Variants in ZNF469 observed in about 807,000 individuals in gnomAD.
The protein encoded by ZNF469 is zinc finger protein 469.
ZNF469 carries 1 observed loss-of-function variant against 1.0 expected under a neutral mutation model. That is an observed-to-expected ratio of 1.00 (90% CI 0.35 to 4.73). ZNF469 has a LOEUF of 4.73. Ranked by LOEUF, ZNF469 falls within the 30% of genes most tolerant of loss-of-function variation. The pLI is 0.16. For missense variants in ZNF469, 6,100 were observed against 5,356.3 expected (o/e 1.14, Z -4.33); for synonymous variants, 2,703 against 2,363.4 (o/e 1.14, Z -4.17).
At chr16:88,204,283 C>T in the ZNF469 span, among the ~76,000 whole-genome samples, 18 of 152,312 alleles carry the variant, frequency 1.2e-4, no homozygotes, top group African/African-American at 4.3e-4. Flanking sequence ...GCCGGAGGTG[C>T]CCCGTAACCT....
the ZNF469 span, among the ~76,000 whole-genome samples, chr16:88,130,302 GCAGA>G: frequency 1.3e-5 from 2 of 151,972 alleles, no homozygotes; most frequent in Non-Finnish European, 2.9e-5. Flanking sequence ...ACCGCACGCC[GCAGA>G]CAGCCGGTAT....
the ZNF469 span, among the ~76,000 whole-genome samples, chr16:88,277,608 C>G: frequency 0.014 from 1,836 of 134,572 alleles, 77 homozygotes; most frequent in African/African-American, 0.055. Flanking sequence ...GCTGATGCTC[C>G]GTCAGTACTG....
intron 1 of ZNF469, among the ~76,000 whole-genome samples, chr16:88,412,968 T>C (rs1381132696): frequency 6.6e-6 from 1 of 152,034 alleles, no homozygotes; most frequent in Non-Finnish European, 1.5e-5. Context: ...TATCCAACTG[T>C]GGGCATGGGA....
chr16:88,374,774 GC>G, the ZNF469 span, among the ~76,000 whole-genome samples: 1 of 150,972 alleles, frequency 6.6e-6, no homozygotes, highest in Admixed American at 6.6e-5. Context: ...GGCGCCGTAT[GC>G]CAAGTGGGCT....
At chr16:88,413,342 C>T (rs1472619688) in intron 1 of ZNF469, among the ~76,000 whole-genome samples, 2 of 152,180 alleles carry the variant, frequency 1.3e-5, no homozygotes, top group Non-Finnish European at 2.9e-5. Context: ...TCCCTTCACC[C>T]TCAAAACACC....
the ZNF469 span, among the ~76,000 whole-genome samples, chr16:88,227,883 G>A: frequency 6.6e-6 from 1 of 152,166 alleles, no homozygotes; most frequent in Non-Finnish European, 1.5e-5. Context: ...ACCCCGCCAG[G>A]CTCCGCCTCC....
At chr16:88,212,524 T>G in the ZNF469 span, among the ~76,000 whole-genome samples, 19 of 152,356 alleles carry the variant, frequency 1.2e-4, no homozygotes, top group African/African-American at 4.3e-4. Flanking sequence ...ATCATTAGTG[T>G]GATTTTTGTC....
rs796410888 is a variant in ZNF469 at position 88,432,676 on chromosome 16, G to A, written c.5206G>A (p.Gly1736Arg). The A allele has an allele frequency of 1.5e-5, 24 of 1,550,410 alleles. No homozygotes were observed. In the African/African-American group the frequency reaches 2.0e-4, roughly 13 times the overall value. ...SKQPGPQLDA[G>R]SLAKCSPDQE... ...GCAGCCTGGCCCACAGCTGGATGCC[G>A]GGAGTTTAGCAAAGTGCAGCCCCGA... The change falls in exon 3 of 3, where the codon GGG becomes AGG. Residue 1736 changes from glycine to arginine, a missense_variant. By Grantham distance (125) the Gly-to-Arg change is moderately radical. Transcript: ENST00000565624.
the ZNF469 span, among the ~76,000 whole-genome samples, chr16:88,164,997 G>T: frequency 6.6e-6 from 1 of 152,154 alleles, no homozygotes; most frequent in African/African-American, 2.4e-5. Context: ...GTGGGCTCGT[G>T]TGTCTTTTAT....
At chr16:88,162,670 G>GCCC in the ZNF469 span, among the ~76,000 whole-genome samples, 62 of 149,006 alleles carry the variant, frequency 4.2e-4, no homozygotes, top group Admixed American at 8.7e-4. Flanking sequence ...TCTTTTTAGT[G>GCCC]CCCCCCCCCT....
chr16:88,434,059 C>T lies in ZNF469; in HGVS notation c.6589C>T (p.Pro2197Ser). Residue 2197 changes from proline to serine, a missense_variant, in exon 3 of 3, where the codon CCG (proline) becomes TCG (serine). Pro to Ser is a moderately conservative substitution (Grantham distance 74). Coordinates refer to ENST00000565624, the MANE Select transcript of ZNF469 (RefSeq NM_001367624.2). ...GGCTGAGGATTCCCCGGTGGCTCCCCCGTCTTTGACAACAAGCCCCTGCGA... is the reference window on the plus strand; with the variant it reads ...GGCTGAGGATTCCCCGGTGGCTCCCTCGTCTTTGACAACAAGCCCCTGCGA... ...TGAEDSPVAP[P>S]SLTTSPCDPK... is the part of the protein sequence containing the mutation. 3 of 1,550,340 alleles carry T rather than the reference C, an allele frequency of 1.9e-6. No individual in the cohort carries two copies. The highest frequency in any genetic ancestry group is 2.6e-6 in the Non-Finnish European group (3 of 1,146,912).
the ZNF469 span, among the ~76,000 whole-genome samples, chr16:88,270,945 C>T: frequency 1.4e-4 from 22 of 152,276 alleles, no homozygotes; most frequent in Non-Finnish European, 1.8e-4. Context: ...GGTCCCCCCT[C>T]TCGGGGCTGG....
chr16:88,360,839 C>T, the ZNF469 span, among the ~76,000 whole-genome samples: 1 of 152,110 alleles, frequency 6.6e-6, no homozygotes, highest in African/African-American at 2.4e-5. Flanking sequence ...CCCTGCCCGA[C>T]ACCCCCTGTT....
At chr16:88,199,451 C>T in the ZNF469 span, among the ~76,000 whole-genome samples, 715 of 152,322 alleles carry the variant, frequency 4.7e-3, 6 homozygotes, top group African/African-American at 0.017. Context: ...GAGCAGCCAG[C>T]GGGAAGGAAT....
chr16:88,353,315 A>C, the ZNF469 span, among the ~76,000 whole-genome samples: 1 of 152,026 alleles, frequency 6.6e-6, no homozygotes, highest in African/African-American at 2.4e-5. Flanking sequence ...TCCTCCACGC[A>C]GGAACCACCG....
At chr16:88,183,605 G>A in the ZNF469 span, among the ~76,000 whole-genome samples, 1 of 152,218 alleles carries the variant, frequency 6.6e-6, no homozygotes, top group African/African-American at 2.4e-5. Context: ...AGAGACAGGT[G>A]GTGGTTGGAG....
At chr16:88,213,181 C>T in the ZNF469 span, among the ~76,000 whole-genome samples, 7 of 152,026 alleles carry the variant, frequency 4.6e-5, no homozygotes, top group Non-Finnish European at 7.3e-5. Context: ...TCACTGCAAG[C>T]TCCGCCTCCC....
intron 1 of ZNF469, among the ~76,000 whole-genome samples, chr16:88,399,307 C>T (rs1388138658): frequency 6.6e-6 from 1 of 152,218 alleles, no homozygotes; most frequent in Non-Finnish European, 1.5e-5. Flanking sequence ...AAAGCAAGTC[C>T]GGGGCCAGCC....
chr16:88,203,874 C>T, the ZNF469 span, among the ~76,000 whole-genome samples: 1 of 152,294 alleles, frequency 6.6e-6, no homozygotes, highest in African/African-American at 2.4e-5. Context: ...GCGACACTCA[C>T]ACGGGTCGGG....
Sources: allele counts gnomAD v4.1 joint callset (sites outside exome capture counted in the v4.1 genomes callset), GRCh38; gene constraint gnomAD v4.1.1; transcripts MANE v1.5; gene names NCBI Gene and HGNC (gene_info 2026-07-23, HGNC 2026-07-21).